The following AP3S2 variants were observed in gnomAD, a reference collection of about 807,000 sequenced individuals.
The protein encoded by AP3S2 is AP-3 complex subunit sigma-2.
AP3S2 carries 22 observed loss-of-function variants against 23.4 expected under a neutral mutation model. The ratio of observed to expected loss-of-function variants is 0.94; its 90% CI spans 0.67 to 1.34. The LOEUF (loss-of-function observed/expected upper bound fraction) is 1.34, where lower values mean the gene tolerates loss of function less well. Ranked by LOEUF, AP3S2 falls within the 40% of genes most tolerant of loss-of-function variation. The pLI, the probability that AP3S2 is intolerant of heterozygous loss-of-function variation, is 0.00. For synonymous variants in AP3S2, 86 were observed against 87.1 expected (o/e 0.99, Z 0.07); for missense variants, 241 against 236.9 (o/e 1.02, Z -0.11).
At chr15:89,849,661 C>T (rs147905666) in intron 4 of AP3S2, among the ~76,000 whole-genome samples, 88 of 152,172 alleles carry the variant, frequency 5.8e-4, no homozygotes, top group Middle Eastern at 3.4e-3. Context: ...GCCACTGCGC[C>T]CAGCCTATGA....
intron 4 of AP3S2, among the ~76,000 whole-genome samples, chr15:89,851,228 G>C (rs944015941): frequency 5.9e-5 from 9 of 152,164 alleles, no homozygotes; most frequent in Admixed American, 5.9e-4. Flanking sequence ...TGTTATTTCA[G>C]AGAAGGGTGG....
chr15:89,878,882 G>A (rs1275530307), intron 3 of AP3S2, among the ~76,000 whole-genome samples: 2 of 152,224 alleles, frequency 1.3e-5, no homozygotes, highest in African/African-American at 4.8e-5. Context: ...GAGCAGCTGG[G>A]ATTACAGACG....
intron 4 of AP3S2, chr15:89,845,198 T>A (rs116067418): frequency 6.6e-6 from 1 of 152,200 alleles, no homozygotes; most frequent in African/African-American, 2.4e-5. Flanking sequence ...TGAGCCACCA[T>A]GCACAGCCAG....
intron 3 of AP3S2, chr15:89,886,444 C>T (rs1896703792): frequency 6.6e-6 from 1 of 152,024 alleles, no homozygotes; most frequent in South Asian, 2.1e-4. Context: ...ATAACTGTGG[C>T]CCAATTTTTT....
chr15:89,880,921 A>T (rs1159030241), intron 3 of AP3S2, among the ~76,000 whole-genome samples: 1 of 152,082 alleles, frequency 6.6e-6, no homozygotes. Flanking sequence ...GGGAAGAACA[A>T]GGAGGCAAAT....
Position 89,832,306 on chromosome 15 carries a change from G to A in AP3S2, c.*3209C>T, listed in dbSNP as rs1156490772. 6.6e-6 allele frequency: 1 copy of A among 151,892 alleles called. No homozygotes were observed. Among genetic ancestry groups the A allele is most frequent in the Non-Finnish European group, 1.5e-5 (1 of 68,006 alleles). The allele number at this position is 151,892 out of a possible 1,614,324, so 9.4% of individuals were successfully genotyped here. A position where few individuals can be genotyped will look rare whatever the true frequency, so the allele number is the denominator to read the frequency against. On this transcript the variant is annotated 3_prime_UTR_variant, in exon 6 of 6. Transcript: ENST00000336418. Reference sequence around the variant, plus strand: ...TAAAAAAATAAAACTAGCCAGGAGTGGTGGTTGCGTGCCTGTGGTTCCAGC... The same window carrying A: ...TAAAAAAATAAAACTAGCCAGGAGTAGTGGTTGCGTGCCTGTGGTTCCAGC...
At chr15:89,850,630 T>C (rs1179950005) in intron 4 of AP3S2, 1 of 153,854 alleles carries the variant, frequency 6.5e-6, no homozygotes, top group African/African-American at 2.4e-5. Context: ...ATGGATAGAG[T>C]TGAACAAGTT....
intron 5 of AP3S2, among the ~76,000 whole-genome samples, chr15:89,836,381 T>C (rs146943197): frequency 1.1e-4 from 17 of 152,308 alleles, no homozygotes; most frequent in African/African-American, 2.9e-4. Flanking sequence ...AAGACTCTTA[T>C]TGAAACGTGC....
chr15:89,855,847 T>A (rs1596198372), intron 4 of AP3S2, among the ~76,000 whole-genome samples: 4 of 119,102 alleles, frequency 3.4e-5, no homozygotes, highest in Non-Finnish European at 1.7e-5. Flanking sequence ...GGAAACTCCA[T>A]CAGAAAAAAA....
At position 89,833,493 on chromosome 15, in the gene AP3S2, G is replaced by A. The variant is rs1324693261; in HGVS notation, c.*2022C>T. 1 of 152,222 alleles carries A rather than the reference G, an allele frequency of 6.6e-6. No individual in the cohort carries two copies. The highest frequency in any genetic ancestry group is 1.5e-5 in the Non-Finnish European group (1 of 68,044). 9.4% of individuals were successfully genotyped at this position (152,222 alleles called of 1,614,324 possible). ...GGTCTACTTTCGTCATCTGCAAAAT[G>A]GGGATAAGAATGCCTGTTGTAAGGA... On this transcript the variant is annotated 3_prime_UTR_variant, in exon 6 of 6. Coordinates refer to ENST00000336418, the MANE Select transcript of AP3S2 (RefSeq NM_005829.5).
intron 4 of AP3S2, among the ~76,000 whole-genome samples, chr15:89,870,756 T>C (rs2141880708): frequency 6.6e-6 from 1 of 152,164 alleles, no homozygotes; most frequent in Non-Finnish European, 1.5e-5. Flanking sequence ...ATGACAACAA[T>C]CAGTTGAAGA....
chr15:89,864,528 C>T (rs537801617), intron 4 of AP3S2, among the ~76,000 whole-genome samples: 2 of 152,086 alleles, frequency 1.3e-5, no homozygotes, highest in African/African-American at 4.8e-5. Flanking sequence ...CAGATGCCCA[C>T]TGTCACTACT....
chr15:89,874,060 T>A (rs1367086724), intron 3 of AP3S2, among the ~76,000 whole-genome samples: 1 of 151,698 alleles, frequency 6.6e-6, no homozygotes, highest in Non-Finnish European at 1.5e-5. Context: ...TACTTCGTAT[T>A]TTTAGTAGAG....
chr15:89,889,460 T>C (rs900694791), intron 1 of AP3S2: 26 of 248,682 alleles, frequency 1.0e-4, no homozygotes, highest in Non-Finnish European at 1.6e-4. Context: ...AGAGAATAAC[T>C]GGAAGGCCTG....
At chr15:89,845,872 G>A (rs1467705809) in intron 4 of AP3S2, 4 of 152,192 alleles carry the variant, frequency 2.6e-5, no homozygotes, top group African/African-American at 9.6e-5. Context: ...GCAAGCATGG[G>A]AAATAATGAC....
rs938638720 is a variant in AP3S2, at chr15:89,893,885, C to T, written c.65G>A (p.Arg22His). 1.3e-6 allele frequency: 2 copies of T among 1,551,736 alleles called. No individual in the cohort carries two copies. The highest frequency in any genetic ancestry group is 2.0e-5 in the Admixed American group (1 of 51,016). ...GKPRLVRFYQ[R>H]FPEEIQQQIV... Reference sequence around the variant, plus strand: ...GTGAAGCCGGGCCGCACTCACGAAACGCTGGTAGAAGCGGACTAGCCGTGG... The same window carrying T: ...GTGAAGCCGGGCCGCACTCACGAAATGCTGGTAGAAGCGGACTAGCCGTGG... The change falls in exon 1 of 6, where the codon CGT (arginine) becomes CAT (histidine). Residue 22 changes from arginine (R) to histidine (H), a missense_variant. Physicochemically the swap from Arg to His is conservative, Grantham distance 29. Transcript: ENST00000336418.
Position 89,835,285 on chromosome 15 carries a change from G to GT in AP3S2, c.*229dup. 1.6e-6 allele frequency: 1 copy of GT among 640,290 alleles called. No individual in the cohort carries two copies. The highest frequency in any genetic ancestry group is 2.5e-6 in the Non-Finnish European group (1 of 394,600). 39.7% of individuals were successfully genotyped at this position (640,290 alleles called of 1,614,324 possible). A position where few individuals can be genotyped will look rare whatever the true frequency, so the allele number is the denominator to read the frequency against. ...AGGGCCCCTCACATCTGCAGTGGCC[G>GT]TATGCATCAGAGAACGGCATGACTG... On this transcript the variant is annotated 3_prime_UTR_variant, in exon 6 of 6. Coordinates refer to ENST00000336418, the MANE Select transcript of AP3S2 (RefSeq NM_005829.5).
At chr15:89,870,242 C>G (rs1051616464) in intron 4 of AP3S2, among the ~76,000 whole-genome samples, 2 of 152,088 alleles carry the variant, frequency 1.3e-5, no homozygotes, top group South Asian at 4.1e-4. Flanking sequence ...AAGTACAAAA[C>G]AACTCTAAGT....
intron 4 of AP3S2, among the ~76,000 whole-genome samples, chr15:89,851,728 T>A (rs1255151504): frequency 6.6e-6 from 1 of 152,334 alleles, no homozygotes; most frequent in South Asian, 2.1e-4. Flanking sequence ...CAGTAAAGTA[T>A]ACTCACTACA....
Sources: allele counts gnomAD v4.1 joint callset (sites outside exome capture counted in the v4.1 genomes callset), GRCh38; gene constraint gnomAD v4.1.1; transcripts MANE v1.5; gene names NCBI Gene and HGNC (gene_info 2026-07-23, HGNC 2026-07-21).